POLR3H: variants seen among roughly 807,000 people sequenced by gnomAD.
POLR3H encodes the protein RNA polymerase III subunit H.
In POLR3H, 17 loss-of-function variants were observed where a neutral mutation model predicts 25.5. The ratio of observed to expected loss-of-function variants is 0.67; its 90% CI spans 0.46 to 1.00. POLR3H has a LOEUF of 1.00. POLR3H is among the 50% of genes least tolerant of loss of function. POLR3H has a pLI of 0.00. For missense variants in POLR3H, 274 were observed against 265.0 expected, an observed-to-expected ratio of 1.03 and a Z score of -0.24; for synonymous variants, 129 against 103.0, an observed-to-expected ratio of 1.25 and a Z score of -1.53.
chr22:41,531,816 G>A (rs1810461), intron 4 of POLR3H, among the ~76,000 whole-genome samples: 27,960 of 152,212 alleles, frequency 0.18, 3,504 homozygotes, highest in Admixed American at 0.38. Context: ...AGTGAATGGT[G>A]TCCCCCAGGA....
At chr22:41,541,079 C>T (rs889225682) in intron 1 of POLR3H, among the ~76,000 whole-genome samples, 2 of 152,136 alleles carry the variant, frequency 1.3e-5, no homozygotes, top group Admixed American at 1.3e-4. Flanking sequence ...CTCTGAGCCT[C>T]GGTCTCCCCA....
intron 2 of POLR3H, among the ~76,000 whole-genome samples, chr22:41,534,358 AAAGG>A (rs2066804472): frequency 6.6e-6 from 1 of 152,210 alleles, no homozygotes; most frequent in South Asian, 2.1e-4. Context: ...GCAGCCTTAC[AAAGG>A]AAGGAATTCT....
rs887911369 is a variant in POLR3H at position 41,528,258 on chromosome 22, CAG to C, written c.*1023_*1024del. 28 of 837,820 alleles carry C rather than the reference CAG, an allele frequency of 3.3e-5. No homozygotes were observed. The highest frequency in any genetic ancestry group is 1.5e-4 in the Admixed American group (5 of 34,400). The allele number at this position is 837,820 out of a possible 1,614,324, so 51.9% of individuals were successfully genotyped here. A position where few individuals can be genotyped will look rare whatever the true frequency, so the allele number is the denominator to read the frequency against. On this transcript the variant is annotated 3_prime_UTR_variant, in exon 6 of 6. Transcript: ENST00000355209. ...CCTTTACTCACCAGGACCTGGCACT[CAG>C]GGGACAGCCCACCCACTGCAGGACC...
intron 4 of POLR3H, among the ~76,000 whole-genome samples, chr22:41,531,469 C>G (rs767203691): frequency 1.3e-5 from 2 of 152,246 alleles, no homozygotes; most frequent in Non-Finnish European, 2.9e-5. Context: ...TGGCAGAGCC[C>G]ACACAGGGGA....
rs778724079 is a variant in POLR3H, at chr22:41,528,028, G to C, written c.*1255C>G. On this transcript the variant is annotated 3_prime_UTR_variant, in exon 6 of 6. Transcript: ENST00000355209. ...AGGACTTCACCCCTGGCAAGGTTAG[G>C]GGCCCGGGTCCCCCTGAGGTGGTGG... 5 of 1,614,086 alleles carry C rather than the reference G, an allele frequency of 3.1e-6. No individual in the cohort carries two copies. Among genetic ancestry groups the C allele is most frequent in the Non-Finnish European group, 4.2e-6 (5 of 1,180,016 alleles).
In POLR3H at chr22:41,526,342, C is replaced by T. The variant is rs1216726904; in HGVS notation, c.*2941G>A. The T allele has an allele frequency of 5.0e-6, 8 of 1,613,264 alleles. No homozygotes were observed. Among genetic ancestry groups the T allele is most frequent in the Non-Finnish European group, 6.8e-6 (8 of 1,180,040 alleles). On this transcript the variant is annotated 3_prime_UTR_variant, in exon 6 of 6. Transcript: ENST00000355209. ...TCCGTGGGCACTTGGATAACATCTC[C>T]AACAACCTGCTCATTGGTGCCATCA... is the stretch of plus-strand genomic sequence containing the variant.
intron 5 of POLR3H, among the ~76,000 whole-genome samples, chr22:41,530,043 CTG>C (rs1251256800): frequency 9.9e-5 from 15 of 152,236 alleles, no homozygotes; most frequent in East Asian, 7.7e-4. Flanking sequence ...GCGTGAGCCA[CTG>C]TGCCCCAGCA....
intron 2 of POLR3H, among the ~76,000 whole-genome samples, chr22:41,536,937 G>A (rs558883883): frequency 1.3e-5 from 2 of 150,470 alleles, no homozygotes; most frequent in East Asian, 1.9e-4. Context: ...TCTAGCTGAG[G>A]AGGCTGCCCG....
chr22:41,531,028 C>T, intron 4 of POLR3H, 140 bp from the exon 5 acceptor site: 1 of 791,790 alleles, frequency 1.3e-6, no homozygotes. Flanking sequence ...CAGGTCCCAG[C>T]CCCATGCACA....
chr22:41,526,066 A>G lies in POLR3H; in HGVS notation c.*3217T>C. On this transcript the variant is annotated 3_prime_UTR_variant, in exon 6 of 6. Transcript: ENST00000355209. ...GCAGCCAGAGGCCTTTGAGGGGATG[A>G]AGGCCTGGCCTGAGCCCATGTGGCC... 1 of 542,544 alleles carries G rather than the reference A, an allele frequency of 1.8e-6. No homozygotes were observed. The allele number at this position is 542,544 out of a possible 1,614,324, so 33.6% of individuals were successfully genotyped here.
intron 2 of POLR3H, among the ~76,000 whole-genome samples, chr22:41,536,844 G>C (rs912925154): frequency 6.8e-6 from 1 of 146,412 alleles, no homozygotes; most frequent in African/African-American, 2.5e-5. Flanking sequence ...CTCCAGCCTG[G>C]GTGACAGAGA....
Position 41,526,150 on chromosome 22 carries a change from C to T in POLR3H, c.*3133G>A. 7 of 911,580 alleles carry T rather than the reference C, an allele frequency of 7.7e-6. No homozygotes were observed. The highest frequency in any genetic ancestry group is 1.6e-5 in the South Asian group (1 of 60,952). 56.5% of individuals were successfully genotyped at this position (911,580 alleles called of 1,614,324 possible). On this transcript the variant is annotated 3_prime_UTR_variant, in exon 6 of 6. Coordinates refer to ENST00000355209, the MANE Select transcript of POLR3H (RefSeq NM_001018050.4). ...GTCTGAAGACTTGCCTGCCTCTCACCCCTCTGTCACCCCTCCTGGGCCCCG... is the reference window on the plus strand; with the variant it reads ...GTCTGAAGACTTGCCTGCCTCTCACTCCTCTGTCACCCCTCCTGGGCCCCG...
Position 41,526,241 on chromosome 22 carries a change from CCTCT to C in POLR3H, c.*3038_*3041del. The C allele has an allele frequency of 3.1e-6, 5 of 1,606,906 alleles. No individual in the cohort carries two copies. Among genetic ancestry groups the C allele is most frequent in the South Asian group, 1.1e-5 (1 of 90,460 alleles). On this transcript the variant is annotated 3_prime_UTR_variant, in exon 6 of 6. Transcript: ENST00000355209. ...TCCAGGGCCATGCCCTGACCTCTGTCCTCTCTACTTACCACCCAAGGTCAAAGGG... is the reference window on the plus strand; with the variant it reads ...TCCAGGGCCATGCCCTGACCTCTGTCCTACTTACCACCCAAGGTCAAAGGG...
chr22:41,527,500 G>C lies in POLR3H; in HGVS notation c.*1783C>G. On this transcript the variant is annotated 3_prime_UTR_variant, in exon 6 of 6. Coordinates refer to ENST00000355209, the MANE Select transcript of POLR3H (RefSeq NM_001018050.4). ...CACTCTCCCTGCCCGTGGCTGAGTT[G>C]GGCCTGGTTCTAGGCTGTGTCCACT... The C allele has an allele frequency of 6.5e-7, 1 of 1,534,844 alleles. No individual in the cohort carries two copies. Among genetic ancestry groups the C allele is most frequent in the Non-Finnish European group, 8.7e-7 (1 of 1,143,226 alleles).
chr22:41,534,161 C>A (rs1490174633), intron 2 of POLR3H, among the ~76,000 whole-genome samples: 1 of 151,962 alleles, frequency 6.6e-6, no homozygotes. Flanking sequence ...CTTCACAGAG[C>A]CTGCACCAGG....
Position 41,527,030 on chromosome 22 carries a change from A to G in POLR3H, c.*2253T>C, listed in dbSNP as rs2146147952. 1.8e-6 allele frequency: 1 copy of G among 563,586 alleles called. No individual in the cohort carries two copies. The highest frequency in any genetic ancestry group is 2.1e-5 in the South Asian group (1 of 47,980). 34.9% of individuals were successfully genotyped at this position (563,586 alleles called of 1,614,324 possible). On this transcript the variant is annotated 3_prime_UTR_variant, in exon 6 of 6. Coordinates refer to ENST00000355209, the MANE Select transcript of POLR3H (RefSeq NM_001018050.4). ...CCTCCACACACACCTGCCTCTGCCA[A>G]GCACCAATGGGTGGCTTCTGTCTTC...
Position 41,528,324 on chromosome 22 carries a change from T to C in POLR3H, c.*959A>G. On this transcript the variant is annotated 3_prime_UTR_variant, in exon 6 of 6. Transcript: ENST00000355209. ...GAATCCCCTGTAGGTGCCACCTGGG[T>C]CTGACCTGGGCCATCAGGCACAGAC... is the stretch of plus-strand genomic sequence containing the variant. The C allele has an allele frequency of 8.8e-7, 1 of 1,132,098 alleles. No homozygotes were observed. Among genetic ancestry groups the C allele is most frequent in the Non-Finnish European group, 1.2e-6 (1 of 816,378 alleles). The allele number at this position is 1,132,098 out of a possible 1,614,324, so 70.1% of individuals were successfully genotyped here. A position where few individuals can be genotyped will look rare whatever the true frequency, so the allele number is the denominator to read the frequency against.
intron 5 of POLR3H, chr22:41,529,658 G>T (rs753399066): frequency 1.5e-6 from 1 of 647,566 alleles, no homozygotes; most frequent in Admixed American, 1.8e-5. Flanking sequence ...TGCTCCAGAC[G>T]CATCCAACAG....
At chr22:41,542,876 G>A (rs1261614438) in intron 1 of POLR3H, among the ~76,000 whole-genome samples, 3 of 152,042 alleles carry the variant, frequency 2.0e-5, no homozygotes, top group Non-Finnish European at 4.4e-5. Context: ...GGTGGCAGGT[G>A]CCTGTAATCC....
Sources: allele counts gnomAD v4.1 joint callset (sites outside exome capture counted in the v4.1 genomes callset), GRCh38; gene constraint gnomAD v4.1.1; transcripts MANE v1.5; gene names NCBI Gene and HGNC (gene_info 2026-07-23, HGNC 2026-07-21).